Variants in TUSC3 observed in about 807,000 individuals in gnomAD.
The protein encoded by TUSC3 is tumor suppressor candidate 3, also known as dolichyl-diphosphooligosaccharide--protein glycosyltransferase subunit TUSC3.
In TUSC3, 45 loss-of-function variants were observed where a neutral mutation model predicts 44.8. The ratio of observed to expected loss-of-function variants is 1.00; its 90% confidence interval spans 0.79 to 1.29. The LOEUF (loss-of-function observed/expected upper bound fraction) is 1.29, where lower values mean the gene tolerates loss of function less well. Among genes scored for constraint, TUSC3 ranks in the 50% most tolerant of loss-of-function variants. The pLI, the probability that TUSC3 is intolerant of heterozygous loss-of-function variation, is 0.00. For synonymous variants in TUSC3, 212 were observed against 152.9 expected, an observed-to-expected ratio of 1.39 and a Z score of -2.85; for missense variants, 519 against 437.9, an observed-to-expected ratio of 1.19 and a Z score of -1.65.
chr8:15,799,514 T>A, the TUSC3 span, among the ~76,000 whole-genome samples: 1 of 152,222 alleles, frequency 6.6e-6, no homozygotes, highest in African/African-American at 2.4e-5. Flanking sequence ...TTAGATGTTT[T>A]GAACCTGCTT....
chr8:15,732,427 G>T (rs958879439), intron 7 of TUSC3, among the ~76,000 whole-genome samples: 4 of 152,108 alleles, frequency 2.6e-5, no homozygotes, highest in Non-Finnish European at 5.9e-5. Flanking sequence ...CACCATGATT[G>T]TGAGGCTTCC....
At chr8:15,680,661 T>G (rs902791847) in intron 6 of TUSC3, among the ~76,000 whole-genome samples, 1 of 152,170 alleles carries the variant, frequency 6.6e-6, no homozygotes, top group Non-Finnish European at 1.5e-5. Context: ...CCTTGTCTTG[T>G]TCCAGTTCTC....
intron 1 of TUSC3, among the ~76,000 whole-genome samples, chr8:15,453,991 T>A (rs890551966): frequency 2.0e-5 from 3 of 152,088 alleles, no homozygotes; most frequent in African/African-American, 7.2e-5. Flanking sequence ...GATTAACTGG[T>A]ATATTACCTC....
chr8:15,441,188 C>T (rs1800016404), intron 1 of TUSC3, among the ~76,000 whole-genome samples: 1 of 152,228 alleles, frequency 6.6e-6, no homozygotes, highest in Non-Finnish European at 1.5e-5. Flanking sequence ...AGGTGGATCG[C>T]CACAGGTCAG....
intron 6 of TUSC3, among the ~76,000 whole-genome samples, chr8:15,728,818 G>A (rs1332948795): frequency 6.6e-6 from 1 of 152,106 alleles, no homozygotes; most frequent in Admixed American, 6.6e-5. Flanking sequence ...CTAGAAAGAA[G>A]GAAAGGAACA....
At chr8:15,569,287 T>C (rs979177219) in intron 1 of TUSC3, among the ~76,000 whole-genome samples, 3 of 152,204 alleles carry the variant, frequency 2.0e-5, no homozygotes, top group African/African-American at 7.2e-5. Context: ...TATCTCTATA[T>C]AGTTTTTCTT....
rs1042205615 is a variant in TUSC3, at chr8:15,556,012, T to A, written c.138+15444T>A. Among the ~76,000 whole-genome samples, 34 of 151,456 alleles carry A rather than the reference T, an allele frequency of 2.2e-4. 2 individuals carry two copies. The highest frequency in any genetic ancestry group is 1.2e-3 in the East Asian group (6 of 5,102). On this transcript the variant is annotated intron_variant, in intron 1 of 10. Transcript: ENST00000503731. ...TTTTTTATTTTTTTATTTTTTATTT[T>A]TTTTTTATTATACTTTAAGTTTTAG...
Position 15,505,397 on chromosome 8 carries a change from C to T in TUSC3, n.189+21914C>T, listed in dbSNP as rs977401456. Among the ~76,000 whole-genome samples the T allele has an allele frequency of 4.6e-5, 7 of 152,208 alleles. No individual in the cohort carries two copies. The South Asian group carries it at 6.2e-4, about 13-fold the overall frequency. On this transcript the variant is annotated intron_variant and non_coding_transcript_variant, in intron 2 of 5. Coordinates refer to the TUSC3 transcript ENST00000503191. Reference sequence around the variant, plus strand: ...ATTTTTCAGGTTTGTACTTAATGTACTATGTCTATTCCTTTTTCAGTTAAT... The same window carrying T: ...ATTTTTCAGGTTTGTACTTAATGTATTATGTCTATTCCTTTTTCAGTTAAT...
At chr8:15,690,980 T>C (rs1429551492) in intron 6 of TUSC3, among the ~76,000 whole-genome samples, 2 of 100,940 alleles carry the variant, frequency 2.0e-5, no homozygotes, top group Non-Finnish European at 4.9e-5. Flanking sequence ...GCCTTGGCTA[T>C]TCAGGCTATT....
At chr8:15,441,263 C>T (rs1428076398) in intron 1 of TUSC3, among the ~76,000 whole-genome samples, 3 of 152,138 alleles carry the variant, frequency 2.0e-5, no homozygotes, top group South Asian at 2.1e-4. Flanking sequence ...AAAAATTAGT[C>T]GGGCATGGTG....
At chr8:15,618,801 C>T (rs528554205) in intron 1 of TUSC3, among the ~76,000 whole-genome samples, 1 of 152,320 alleles carries the variant, frequency 6.6e-6, no homozygotes, top group Non-Finnish European at 1.5e-5. Context: ...GCTTTGTTTA[C>T]ACCAGCATCA....
chr8:15,732,539 C>G (rs1810765376), intron 7 of TUSC3, among the ~76,000 whole-genome samples: 1 of 149,722 alleles, frequency 6.7e-6, no homozygotes, highest in African/African-American at 2.5e-5. Flanking sequence ...ATACACCTAG[C>G]TTTTGACAAA....
chr8:15,551,410 T>C (rs936724035), intron 1 of TUSC3, among the ~76,000 whole-genome samples: 1 of 151,828 alleles, frequency 6.6e-6, no homozygotes, highest in African/African-American at 2.4e-5. Flanking sequence ...TGATTAAAAC[T>C]TTCTTATAAA....
intron 2 of TUSC3, among the ~76,000 whole-genome samples, chr8:15,635,863 T>A (rs2129169744): frequency 6.6e-6 from 1 of 152,286 alleles, no homozygotes; most frequent in South Asian, 2.1e-4. Context: ...GCAGCTTGAT[T>A]CCAGATGGTT....
In TUSC3 at chr8:15,439,044, G is replaced by C. The variant is rs529082927; in HGVS notation, n.91+21739G>C. On this transcript the variant is annotated intron_variant and non_coding_transcript_variant, in intron 1 of 5. Transcript: ENST00000503191. Reference sequence around the variant, plus strand: ...GGAAGGAGCAAGGATTGAACCCAGAGAGAGAGGGCTATTTGACGGCACTGT... The same window carrying C: ...GGAAGGAGCAAGGATTGAACCCAGACAGAGAGGGCTATTTGACGGCACTGT... 1.9e-3 allele frequency among the ~76,000 whole-genome samples: 287 copies of C among 152,312 alleles called. 2 individuals are homozygous for C. The highest frequency in any genetic ancestry group is 6.2e-3 in the African/African-American group (256 of 41,562).
chr8:15,518,959 C>T lies in TUSC3; in HGVS notation n.189+35476C>T, dbSNP rs1427174171. Among the ~76,000 whole-genome samples, 3 of 152,108 alleles carry T rather than the reference C, an allele frequency of 2.0e-5. No homozygotes were observed. In the East Asian group the frequency reaches 5.8e-4, roughly 29 times the overall value. ...TTGCCCATGATTCTACAAGTCTAAA[C>T]TAAAATCGAATCAATATATTAAATC... is the stretch of plus-strand genomic sequence containing the variant. On this transcript the variant is annotated intron_variant and non_coding_transcript_variant, in intron 2 of 5. Coordinates refer to the TUSC3 transcript ENST00000503191.
At chr8:15,526,637 G>A (rs555131999) in intron 2 of TUSC3, among the ~76,000 whole-genome samples, 17 of 152,130 alleles carry the variant, frequency 1.1e-4, no homozygotes, top group Non-Finnish European at 2.4e-4. Context: ...TGTGCCTTTC[G>A]CCTTCTGCCA....
intron 1 of TUSC3, among the ~76,000 whole-genome samples, chr8:15,428,488 A>G (rs943688475): frequency 1.1e-3 from 170 of 152,180 alleles, no homozygotes; most frequent in African/African-American, 3.7e-3. Flanking sequence ...TATACCCAGT[A>G]ATGGGATGGC....
the TUSC3 span, among the ~76,000 whole-genome samples, chr8:15,850,284 A>T: frequency 6.6e-6 from 1 of 152,138 alleles, no homozygotes; most frequent in Non-Finnish European, 1.5e-5. Context: ...TTCATTCAGA[A>T]ATGTTGTGGC....
Sources: gnomAD v4.1 joint callset for allele counts (sites outside exome capture counted in the v4.1 genomes callset) on GRCh38, gnomAD v4.1.1 for gene constraint, MANE v1.5 for transcripts, NCBI Gene and HGNC (gene_info 2026-07-23, HGNC 2026-07-21) for gene names.